The following DOCK10 variants were observed in gnomAD, a reference collection of about 807,000 sequenced individuals.
The protein encoded by DOCK10 is dedicator of cytokinesis protein 10.
In DOCK10, 145 loss-of-function variants were observed where a neutral mutation model predicts 280.1. The ratio of observed to expected loss-of-function variants is 0.52; its 90% CI spans 0.45 to 0.59. The LOEUF (loss-of-function observed/expected upper bound fraction) is 0.59, where lower values mean the gene tolerates loss of function less well. Among genes scored for constraint, DOCK10 ranks in the 20% least tolerant of loss-of-function variants. The pLI is 0.00. For missense variants in DOCK10, 2,368 were observed against 2,651.7 expected (o/e 0.89, Z 2.35); for synonymous variants, 915 against 942.2 (o/e 0.97, Z 0.53).
chr2:224,947,329 G>A (rs1303943801), intron 1 of DOCK10, among the ~76,000 whole-genome samples: 3 of 152,182 alleles, frequency 2.0e-5, no homozygotes, highest in Non-Finnish European at 4.4e-5. Flanking sequence ...CTCCACGGCT[G>A]TCAAAACAGC....
chr2:224,820,123 T>A (rs1574878441), intron 28 of DOCK10, among the ~76,000 whole-genome samples: 1 of 152,146 alleles, frequency 6.6e-6, no homozygotes, highest in South Asian at 2.1e-4. Context: ...TTTGACAGAG[T>A]AGCTCCTCTC....
intron 11 of DOCK10, among the ~76,000 whole-genome samples, chr2:224,869,542 G>T (rs1042694057): frequency 4.6e-5 from 7 of 152,210 alleles, no homozygotes; most frequent in Non-Finnish European, 7.4e-5. Flanking sequence ...CTGCTGTGAA[G>T]GTGAGGCTGA....
intron 1 of DOCK10, among the ~76,000 whole-genome samples, chr2:225,023,039 A>AC (rs1689824464): frequency 2.0e-5 from 3 of 151,958 alleles, no homozygotes; most frequent in Admixed American, 1.3e-4. Context: ...CTACAAGACA[A>AC]CTTTTTTTTT....
At chr2:224,767,446 GA>G (rs1690134388) in intron 55 of DOCK10, among the ~76,000 whole-genome samples, 1 of 152,128 alleles carries the variant, frequency 6.6e-6, no homozygotes, top group Non-Finnish European at 1.5e-5. Context: ...TTACAGGTGT[GA>G]GCCACTGCAC....
intron 42 of DOCK10, 120 bp from the exon 43 acceptor site, chr2:224,797,266 T>A (rs1574837776): frequency 1.2e-5 from 1 of 82,984 alleles, no homozygotes; most frequent in Non-Finnish European, 1.6e-5. Flanking sequence ...ACTTGGTCTA[T>A]TTTTTTTTTT....
At chr2:224,924,144 G>C (rs1004135466) in intron 2 of DOCK10, among the ~76,000 whole-genome samples, 1 of 151,852 alleles carries the variant, frequency 6.6e-6, no homozygotes, top group African/African-American at 2.4e-5. Context: ...CTGTGATCAC[G>C]TGCACCACCT....
At chr2:224,935,934 G>C (rs1702664721) in intron 1 of DOCK10, among the ~76,000 whole-genome samples, 1 of 152,152 alleles carries the variant, frequency 6.6e-6, no homozygotes, top group South Asian at 2.1e-4. Context: ...GGATGTCTTT[G>C]CAATATTATC....
At chr2:224,958,495 A>C (rs1704184447) in intron 1 of DOCK10, among the ~76,000 whole-genome samples, 1 of 152,234 alleles carries the variant, frequency 6.6e-6, no homozygotes, top group African/African-American at 2.4e-5. Flanking sequence ...CACTCCTTCC[A>C]CAACTGACCT....
intron 1 of DOCK10, among the ~76,000 whole-genome samples, chr2:224,961,986 C>G (rs572373831): frequency 6.6e-6 from 1 of 152,230 alleles, no homozygotes; most frequent in South Asian, 2.1e-4. Flanking sequence ...TATTGAGGAG[C>G]CATGAAAATC....
At chr2:224,994,775 C>T (rs1029218157) in intron 1 of DOCK10, among the ~76,000 whole-genome samples, 1 of 152,234 alleles carries the variant, frequency 6.6e-6, no homozygotes, top group African/African-American at 2.4e-5. Context: ...AATTTTTACA[C>T]ACACACACTT....
At chr2:224,855,847 G>A (rs891811614) in intron 15 of DOCK10, among the ~76,000 whole-genome samples, 3 of 152,050 alleles carry the variant, frequency 2.0e-5, no homozygotes, top group South Asian at 2.1e-4. Flanking sequence ...AAACACAGCC[G>A]TTAATAAAAA....
chr2:224,913,980 G>A (rs929854154), intron 3 of DOCK10, among the ~76,000 whole-genome samples: 4 of 152,110 alleles, frequency 2.6e-5, no homozygotes, highest in South Asian at 4.2e-4. Context: ...CTCGTGATCC[G>A]CCTGCCTTGG....
intron 1 of DOCK10, among the ~76,000 whole-genome samples, chr2:224,937,160 CAT>C (rs1320426190): frequency 1.3e-5 from 2 of 152,114 alleles, no homozygotes; most frequent in Non-Finnish European, 2.9e-5. Context: ...CTTAAATACT[CAT>C]GTGTATTGGT....
At chr2:224,982,279 C>G in intron 1 of DOCK10, 1 of 1,231,994 alleles carries the variant, frequency 8.1e-7, no homozygotes, top group Non-Finnish European at 1.0e-6. Flanking sequence ...GGGATGGTTC[C>G]TCTTGGCGTC....
intron 7 of DOCK10, among the ~76,000 whole-genome samples, chr2:224,882,366 TTGA>T (rs1040190471): frequency 6.6e-6 from 1 of 152,202 alleles, no homozygotes; most frequent in African/African-American, 2.4e-5. Context: ...CTAATACTCT[TTGA>T]TGATATTATG....
At chr2:225,038,537 T>G (rs960834398) in intron 1 of DOCK10, among the ~76,000 whole-genome samples, 15 of 152,100 alleles carry the variant, frequency 9.9e-5, no homozygotes, top group Non-Finnish European at 2.2e-4. Flanking sequence ...ATAAATACTT[T>G]CCCCTCTTTA....
intron 1 of DOCK10, among the ~76,000 whole-genome samples, chr2:225,015,322 T>C (rs1689560709): frequency 6.6e-6 from 1 of 152,220 alleles, no homozygotes; most frequent in South Asian, 2.1e-4. Context: ...GACTGAACTT[T>C]TATGAGAGCA....
intron 41 of DOCK10, 76 bp downstream of exon 41, chr2:224,800,075 C>A: frequency 3.1e-5 from 25 of 807,312 alleles, no homozygotes; most frequent in South Asian, 1.7e-4. Flanking sequence ...TAAAAAAAAC[C>A]ATGTTTTTGA....
chr2:225,005,685 T>G (rs1689226836), intron 1 of DOCK10, among the ~76,000 whole-genome samples: 1 of 152,358 alleles, frequency 6.6e-6, no homozygotes. Flanking sequence ...TCAATGTTGT[T>G]GTCTACCAAA....
Sources: gnomAD v4.1 joint callset for allele counts (sites outside exome capture counted in the v4.1 genomes callset) on GRCh38, gnomAD v4.1.1 for gene constraint, MANE v1.5 for transcripts, NCBI Gene and HGNC (gene_info 2026-07-23, HGNC 2026-07-21) for gene names.